Variants in BIRC6 observed in about 807,000 individuals in gnomAD.
The protein encoded by BIRC6 is baculoviral IAP repeat containing 6, also known as dual E2 ubiquitin-conjugating enzyme/E3 ubiquitin-protein ligase BIRC6.
In BIRC6, 98 loss-of-function variants were observed where a neutral mutation model predicts 503.3. That is an observed-to-expected ratio of 0.19 (90% CI 0.17 to 0.23). BIRC6 has a LOEUF of 0.23. Ranked by LOEUF, BIRC6 falls within the 10% of genes least tolerant of loss-of-function variation. The pLI, the probability that BIRC6 is intolerant of heterozygous loss-of-function variation, is 1.00. For synonymous variants in BIRC6, 2,240 were observed against 2,078.7 expected (o/e 1.08, Z -2.11); for missense variants, 5,360 against 5,806.0 (o/e 0.92, Z 2.50).
At chr2:32,599,021 CAAAAAAAAAAA>C (rs35744882) in intron 69 of BIRC6, among the ~76,000 whole-genome samples, 1 of 27,828 alleles carries the variant, frequency 3.6e-5, no homozygotes, top group East Asian at 1.2e-3. Flanking sequence ...AACTCCATCT[CAAAAAAAAAAA>C]AAAAAAAAAA....
chr2:32,421,840 C>G (rs1447434239), intron 10 of BIRC6, among the ~76,000 whole-genome samples: 1 of 152,188 alleles, frequency 6.6e-6, no homozygotes. Flanking sequence ...ATAAATTTCA[C>G]TTGTATACGT....
intron 14 of BIRC6, 30 bp downstream of exon 14, chr2:32,435,615 G>A: frequency 6.5e-7 from 1 of 1,538,968 alleles, no homozygotes; most frequent in Non-Finnish European, 8.7e-7. Flanking sequence ...TGTTGTCCAT[G>A]ACAGTAAAAG....
chr2:32,485,901 G>C (rs1572555569), intron 40 of BIRC6, 142 bp downstream of exon 40: 1 of 581,124 alleles, frequency 1.7e-6, no homozygotes, highest in East Asian at 2.8e-5. Context: ...TCCTGGCTCC[G>C]AGTTAGTAGC....
At chr2:32,559,006 C>A (rs1163445916) in intron 65 of BIRC6, 4 of 152,028 alleles carry the variant, frequency 2.6e-5, no homozygotes, top group African/African-American at 9.7e-5. Context: ...TCTGATGAAC[C>A]TTTACACTGT....
intron 4 of BIRC6, among the ~76,000 whole-genome samples, chr2:32,391,072 G>A (rs990175202): frequency 6.6e-6 from 1 of 152,186 alleles, no homozygotes; most frequent in Admixed American, 6.5e-5. Context: ...TCTTGTCTGA[G>A]ATCTATGCCT....
At chr2:32,434,938 G>A (rs540896624) in intron 13 of BIRC6, among the ~76,000 whole-genome samples, 41 of 152,246 alleles carry the variant, frequency 2.7e-4, no homozygotes, top group South Asian at 4.2e-4. Context: ...AAAAGTATAC[G>A]GGAGGATATG....
chr2:32,607,374 G>C, intron 71 of BIRC6, 81 bp from the exon 72 acceptor site: 1 of 973,134 alleles, frequency 1.0e-6, no homozygotes, highest in Non-Finnish European at 1.4e-6. Context: ...TTAAAGAAGA[G>C]TCTTTGTGGA....
At chr2:32,395,410 G>T in intron 5 of BIRC6, 101 bp from the exon 6 acceptor site, 1 of 904,654 alleles carries the variant, frequency 1.1e-6, no homozygotes, top group Non-Finnish European at 1.7e-6. Context: ...TTTCAGTATA[G>T]AATTTTACTT....
chr2:32,611,932 G>C (rs937940217), intron 73 of BIRC6, among the ~76,000 whole-genome samples: 1 of 152,110 alleles, frequency 6.6e-6, no homozygotes, highest in African/African-American at 2.4e-5. Flanking sequence ...CTAGAGTGCA[G>C]TGGTGGCATC....
intron 15 of BIRC6, among the ~76,000 whole-genome samples, chr2:32,437,873 C>G (rs563813181): frequency 6.6e-6 from 1 of 152,176 alleles, no homozygotes; most frequent in Non-Finnish European, 1.5e-5. Flanking sequence ...AAAAACTAAT[C>G]TCAAATTGTT....
At chr2:32,404,126 C>T (rs1185784796) in intron 8 of BIRC6, among the ~76,000 whole-genome samples, 2 of 151,776 alleles carry the variant, frequency 1.3e-5, no homozygotes, top group Non-Finnish European at 2.9e-5. Flanking sequence ...GAAAGGGTTT[C>T]TCCATGTTGG....
intron 50 of BIRC6, chr2:32,505,428 G>C (rs2053681726): frequency 2.1e-6 from 1 of 485,740 alleles, no homozygotes; most frequent in Non-Finnish European, 3.7e-6. Flanking sequence ...AAACAAATAT[G>C]TTCCAGTTAT....
intron 66 of BIRC6, among the ~76,000 whole-genome samples, chr2:32,586,375 T>G (rs566118525): frequency 1.3e-4 from 19 of 151,714 alleles, no homozygotes; most frequent in African/African-American, 4.6e-4. Context: ...AGCTTTATGT[T>G]TCACGACAGT....
intron 72 of BIRC6, among the ~76,000 whole-genome samples, chr2:32,609,263 C>G (rs961340867): frequency 6.7e-5 from 10 of 148,652 alleles, no homozygotes; most frequent in African/African-American, 2.5e-4. Flanking sequence ...TGGTTTTTTT[C>G]ACGTCATCCT....
intron 61 of BIRC6, among the ~76,000 whole-genome samples, chr2:32,533,410 G>C (rs765177819): frequency 6.6e-6 from 1 of 152,206 alleles, no homozygotes; most frequent in African/African-American, 2.4e-5. Context: ...ATAGTGAAAT[G>C]TGCGAGGAAA....
chr2:32,466,344 T>C (rs922120342), intron 26 of BIRC6, among the ~76,000 whole-genome samples: 2 of 152,210 alleles, frequency 1.3e-5, no homozygotes, highest in African/African-American at 2.4e-5. Context: ...AAATGAGGGA[T>C]GTAAATCTGC....
At chr2:32,548,100 T>G (rs781075296) in intron 64 of BIRC6, 86 bp downstream of exon 64, 48 of 1,236,408 alleles carry the variant, frequency 3.9e-5, no homozygotes, top group Non-Finnish European at 5.0e-5. Flanking sequence ...AATCCAACTT[T>G]CCTCAGCTAT....
intron 43 of BIRC6, among the ~76,000 whole-genome samples, chr2:32,490,437 A>C (rs944287866): frequency 6.6e-6 from 1 of 152,162 alleles, no homozygotes; most frequent in African/African-American, 2.4e-5. Flanking sequence ...TGGGAGGGTG[A>C]CGCACGAAAA....
rs139074798 is a variant in BIRC6 at position 32,439,750 on chromosome 2, C to G, written c.3810+64C>G. 113 of 1,449,744 alleles carry G rather than the reference C, an allele frequency of 7.8e-5. 1 individual carries two copies. In the African/African-American group the frequency reaches 1.2e-3, roughly 16 times the overall value. The allele number at this position is 1,449,744 out of a possible 1,614,324, so 89.8% of individuals were successfully genotyped here. A position where few individuals can be genotyped will look rare whatever the true frequency, so the allele number is the denominator to read the frequency against. ...TAAACATTGTGGATCAGATTTAACACACTATTAGAAGTAGTATGACCTTTC... is the reference window on the plus strand; with the variant it reads ...TAAACATTGTGGATCAGATTTAACAGACTATTAGAAGTAGTATGACCTTTC... On this transcript the variant is annotated intron_variant, in intron 16 of 73. Transcript: ENST00000421745.
Sources: allele counts gnomAD v4.1 joint callset (sites outside exome capture counted in the v4.1 genomes callset), GRCh38; gene constraint gnomAD v4.1.1; transcripts MANE v1.5; gene names NCBI Gene and HGNC (gene_info 2026-07-23, HGNC 2026-07-21).